ZDHHC11: variants seen among roughly 807,000 people sequenced by gnomAD.
ZDHHC11 encodes the protein zDHHC palmitoyltransferase 11.
Under a neutral mutation model 51.3 loss-of-function variants are expected in ZDHHC11, and 44 were observed. The observed-to-expected ratio is 0.86, with a 90% CI of 0.67 to 1.10. The LOEUF (loss-of-function observed/expected upper bound fraction) is 1.10, where lower values mean the gene tolerates loss of function less well. Among genes scored for constraint, ZDHHC11 ranks in the 50% least tolerant of loss-of-function variants. ZDHHC11 has a pLI of 0.00. For synonymous variants in ZDHHC11, 163 were observed against 222.0 expected (o/e 0.73, Z 2.36); for missense variants, 400 against 537.7 (o/e 0.74, Z 2.53).
chr5:827,745 AT>A (rs568074946), intron 7 of ZDHHC11, among the ~76,000 whole-genome samples: 13,659 of 143,232 alleles, frequency 0.095, 252 homozygotes, highest in East Asian at 0.21. Flanking sequence ...TTTATTCTTT[AT>A]TTTTTTTTTT....
At chr5:858,595 T>C (rs1380555794) in intron 1 of ZDHHC11, among the ~76,000 whole-genome samples, 1 of 152,112 alleles carries the variant, frequency 6.6e-6, no homozygotes, top group Non-Finnish European at 1.5e-5. Flanking sequence ...CTCACTCTCC[T>C]CCAGCCCCCC....
chr5:802,250 G>A (rs1172322688), intron 11 of ZDHHC11, among the ~76,000 whole-genome samples: 1 of 151,304 alleles, frequency 6.6e-6, no homozygotes, highest in Non-Finnish European at 1.5e-5. Flanking sequence ...ATTGCAGGGG[G>A]AGCAGTAGTC....
At chr5:814,844 T>C in intron 10 of ZDHHC11, 49 bp from the exon 11 acceptor site, 1 of 1,486,156 alleles carries the variant, frequency 6.7e-7, no homozygotes, top group South Asian at 1.4e-5. Flanking sequence ...AAGACCTTGT[T>C]GACATTAAAC....
chr5:847,335 C>T (rs1321958300), intron 3 of ZDHHC11, among the ~76,000 whole-genome samples, 179 bp downstream of exon 3: 1 of 151,730 alleles, frequency 6.6e-6, no homozygotes, highest in African/African-American at 2.4e-5. Flanking sequence ...TGCACCACAG[C>T]CCCAGAGCCA....
intron 6 of ZDHHC11, among the ~76,000 whole-genome samples, chr5:837,048 C>G (rs1743963435): frequency 6.6e-6 from 1 of 151,156 alleles, no homozygotes; most frequent in Admixed American, 6.6e-5. Flanking sequence ...CAGAGCGAGA[C>G]TCTGTCTCAA....
intron 6 of ZDHHC11, among the ~76,000 whole-genome samples, chr5:836,381 C>A (rs1465507686): frequency 6.6e-6 from 1 of 150,480 alleles, no homozygotes; most frequent in Admixed American, 6.6e-5. Flanking sequence ...CCACAGTGCA[C>A]ATTCCTGCCC....
intron 10 of ZDHHC11, among the ~76,000 whole-genome samples, chr5:817,382 G>GT (rs1579605573): frequency 6.6e-6 from 1 of 151,344 alleles, no homozygotes; most frequent in East Asian, 1.9e-4. Flanking sequence ...TTCCATATGT[G>GT]TTTCCTTGAA....
Position 850,379 on chromosome 5 carries a change from A to C in ZDHHC11, c.222+2T>G. 6.2e-7 allele frequency: 1 copy of C among 1,613,484 alleles called. No homozygotes were observed. Among genetic ancestry groups the C allele is most frequent in the Non-Finnish European group, 8.5e-7 (1 of 1,179,958 alleles). On this transcript the variant is annotated splice_donor_variant, in intron 1 of 12. Coordinates refer to ENST00000283441, the MANE Select transcript of ZDHHC11 (RefSeq NM_024786.3). LOFTEE classifies it high-confidence loss of function. ...TAGACCATGCCACGATGAAAAGGATACCACGTAGGCAATGTATTTCCACGC... is the reference window on the plus strand; with the variant it reads ...TAGACCATGCCACGATGAAAAGGATCCCACGTAGGCAATGTATTTCCACGC...
chr5:837,295 G>A, intron 6 of ZDHHC11, 70 bp downstream of exon 6: 2 of 1,558,396 alleles, frequency 1.3e-6, no homozygotes, highest in Non-Finnish European at 1.8e-6. Context: ...TGGCTGAGAG[G>A]TCCCAACCAC....
chr5:816,375 G>C, intron 10 of ZDHHC11: 1 of 392,412 alleles, frequency 2.5e-6, no homozygotes, highest in Non-Finnish European at 5.0e-6. Flanking sequence ...GGGCGGGAGG[G>C]GGGCGGTAGC....
chr5:844,728 A>G (rs1240036903), intron 3 of ZDHHC11, among the ~76,000 whole-genome samples: 1 of 152,420 alleles, frequency 6.6e-6, no homozygotes, highest in East Asian at 1.9e-4. Flanking sequence ...GCCCGGCCAC[A>G]CCTCGGCTGC....
At chr5:838,535 A>G (rs1458352981) in intron 5 of ZDHHC11, among the ~76,000 whole-genome samples, 1 of 152,052 alleles carries the variant, frequency 6.6e-6, no homozygotes, top group Non-Finnish European at 1.5e-5. Context: ...CAGCCTCTCC[A>G]GTCCTGTGAG....
chr5:809,433 A>T (rs1739794856), intron 11 of ZDHHC11, among the ~76,000 whole-genome samples: 1 of 148,280 alleles, frequency 6.7e-6, no homozygotes, highest in South Asian at 2.1e-4. Context: ...CCCGGATGAC[A>T]GGATTCGTGA....
chr5:806,621 T>C (rs1195965412), intron 11 of ZDHHC11, among the ~76,000 whole-genome samples: 1 of 151,378 alleles, frequency 6.6e-6, no homozygotes, highest in Non-Finnish European at 1.5e-5. Flanking sequence ...ACTCTATCTG[T>C]AATTCACCCA....
intron 8 of ZDHHC11, among the ~76,000 whole-genome samples, chr5:824,398 C>T (rs1302697752): frequency 6.6e-6 from 1 of 151,462 alleles, no homozygotes; most frequent in East Asian, 1.9e-4. Flanking sequence ...GAGTTGGAGG[C>T]TGCAGTGAGC....
At chr5:851,456 T>A (rs1247012305), upstream of ZDHHC11, among the ~76,000 whole-genome samples, 1 of 152,184 alleles carries the variant, frequency 6.6e-6, no homozygotes, top group Non-Finnish European at 1.5e-5. Context: ...AGAGGAGGGT[T>A]AGGAAGCTTC....
At chr5:819,908 T>A (rs1429488819) in intron 9 of ZDHHC11, among the ~76,000 whole-genome samples, 3 of 151,302 alleles carry the variant, frequency 2.0e-5, no homozygotes, top group Admixed American at 2.0e-4. Context: ...AGACAGGTAG[T>A]GTCCTCCGTT....
At chr5:836,754 T>C (rs1409160246) in intron 6 of ZDHHC11, among the ~76,000 whole-genome samples, 1 of 149,772 alleles carries the variant, frequency 6.7e-6, no homozygotes, top group Non-Finnish European at 1.5e-5. Flanking sequence ...GGAACTAACT[T>C]CCTTAAGTTA....
upstream of ZDHHC11, among the ~76,000 whole-genome samples, chr5:854,201 T>A (rs1459096614): frequency 3.0e-5 from 3 of 101,600 alleles, no homozygotes; most frequent in East Asian, 3.4e-4. Context: ...ACAGACCCCA[T>A]GGAGGATAGC....
Sources: allele counts gnomAD v4.1 joint callset (sites outside exome capture counted in the v4.1 genomes callset), GRCh38; gene constraint gnomAD v4.1.1; transcripts MANE v1.5; gene names NCBI Gene and HGNC (gene_info 2026-07-23, HGNC 2026-07-21).